DSCAM: variants seen among roughly 807,000 people sequenced by gnomAD.
DSCAM encodes the protein cell adhesion molecule DSCAM.
DSCAM carries 47 observed loss-of-function variants against 217.7 expected under a neutral mutation model. The ratio of observed to expected loss-of-function variants is 0.22; its 90% CI spans 0.17 to 0.28. The LOEUF is 0.28. Among genes scored for constraint, DSCAM ranks in the 10% least tolerant of loss-of-function variants. The pLI is 1.00. For synonymous variants in DSCAM, 1,056 were observed against 1,015.3 expected (o/e 1.04, Z -0.76); for missense variants, 2,080 against 2,618.3 (o/e 0.79, Z 4.49).
chr21:40,454,399 A>C (rs2075746731), intron 3 of DSCAM, among the ~76,000 whole-genome samples: 1 of 152,222 alleles, frequency 6.6e-6, no homozygotes, highest in South Asian at 2.1e-4. Context: ...CATATCTGTG[A>C]AAGTTTTCTG....
intron 2 of DSCAM, among the ~76,000 whole-genome samples, chr21:40,706,094 G>A (rs1219566920): frequency 1.3e-5 from 2 of 151,574 alleles, no homozygotes; most frequent in African/African-American, 2.4e-5. Flanking sequence ...GCAGGAAAAC[G>A]GCGTGAACCC....
chr21:40,386,137 C>CTTTTTTT (rs1491309066), intron 3 of DSCAM, among the ~76,000 whole-genome samples: 1 of 152,192 alleles, frequency 6.6e-6, no homozygotes, highest in African/African-American at 2.4e-5. Flanking sequence ...GATCTTAACA[C>CTTTTTTT]TGTGCTTTTA....
At chr21:40,732,915 G>A (rs559589734) in intron 1 of DSCAM, among the ~76,000 whole-genome samples, 1 of 152,302 alleles carries the variant, frequency 6.6e-6, no homozygotes, top group African/African-American at 2.4e-5. Flanking sequence ...TGCTGGGTAA[G>A]ATCCATGTGA....
intron 3 of DSCAM, among the ~76,000 whole-genome samples, chr21:40,452,295 A>T (rs1167028436): frequency 1.3e-5 from 2 of 149,788 alleles, no homozygotes; most frequent in African/African-American, 5.0e-5. Context: ...CCTGGAAAAT[A>T]CTCTGTAAAT....
chr21:40,749,514 C>T (rs1240366022), intron 1 of DSCAM, among the ~76,000 whole-genome samples: 3 of 151,998 alleles, frequency 2.0e-5, no homozygotes, highest in Non-Finnish European at 4.4e-5. Context: ...AAATCAAAAC[C>T]ACAATGAGAT....
chr21:40,712,897 G>A (rs1391922574), intron 1 of DSCAM, among the ~76,000 whole-genome samples: 1 of 152,108 alleles, frequency 6.6e-6, no homozygotes, highest in Non-Finnish European at 1.5e-5. Flanking sequence ...CTTACAAACT[G>A]TGGCCCCCCT....
At chr21:40,563,483 A>G (rs1259148448) in intron 3 of DSCAM, among the ~76,000 whole-genome samples, 1 of 147,386 alleles carries the variant, frequency 6.8e-6, no homozygotes, top group Non-Finnish European at 1.5e-5. Flanking sequence ...ATTTGTTTAT[A>G]TATGTATAAA....
At chr21:40,228,052 T>C (rs1409415768) in intron 11 of DSCAM, among the ~76,000 whole-genome samples, 11 of 152,150 alleles carry the variant, frequency 7.2e-5, no homozygotes. Context: ...TACCTCTCAG[T>C]TGGGGCTTGT....
At chr21:40,046,950 T>G (rs988821847) in intron 30 of DSCAM, among the ~76,000 whole-genome samples, 3 of 152,024 alleles carry the variant, frequency 2.0e-5, no homozygotes, top group Non-Finnish European at 2.9e-5. Flanking sequence ...GAAAATTCCA[T>G]GGGAAAGTCG....
At chr21:40,617,775 A>C (rs909370802) in intron 3 of DSCAM, among the ~76,000 whole-genome samples, 1 of 152,222 alleles carries the variant, frequency 6.6e-6, no homozygotes, top group Non-Finnish European at 1.5e-5. Flanking sequence ...GCACTGACTT[A>C]GAAGAAGCTA....
chr21:40,843,278 A>C (rs551126762), intron 1 of DSCAM, among the ~76,000 whole-genome samples: 1 of 152,112 alleles, frequency 6.6e-6, no homozygotes, highest in African/African-American at 2.4e-5. Flanking sequence ...CACCGTCTCT[A>C]ATCTCCATGA....
At chr21:40,332,216 A>G (rs2074384847) in intron 8 of DSCAM, among the ~76,000 whole-genome samples, 1 of 152,172 alleles carries the variant, frequency 6.6e-6, no homozygotes, top group South Asian at 2.1e-4. Context: ...CTTTTTAAAT[A>G]GCTTTATTCC....
intron 3 of DSCAM, among the ~76,000 whole-genome samples, chr21:40,620,179 A>C (rs2089474816): frequency 7.1e-6 from 1 of 141,796 alleles, no homozygotes; most frequent in Admixed American, 7.0e-5. Context: ...AGAGAAAGAG[A>C]GAGAAAAAAG....
intron 8 of DSCAM, among the ~76,000 whole-genome samples, chr21:40,331,980 C>G (rs914220089): frequency 2.6e-5 from 4 of 152,116 alleles, no homozygotes; most frequent in African/African-American, 9.7e-5. Context: ...TTAAGACCAA[C>G]CCCGCCATCC....
At chr21:40,512,155 CT>C (rs1413948396) in intron 3 of DSCAM, among the ~76,000 whole-genome samples, 3 of 152,050 alleles carry the variant, frequency 2.0e-5, no homozygotes, top group African/African-American at 7.2e-5. Context: ...TAGCAGTGAT[CT>C]TTCCCTTCCA....
chr21:40,237,455 A>T (rs1354831770), intron 11 of DSCAM, among the ~76,000 whole-genome samples: 3 of 152,014 alleles, frequency 2.0e-5, no homozygotes, highest in Non-Finnish European at 4.4e-5. Flanking sequence ...ATGAGTGAGA[A>T]CACGTGGTGT....
At chr21:40,559,937 C>A (rs1484723445) in intron 3 of DSCAM, among the ~76,000 whole-genome samples, 1 of 151,956 alleles carries the variant, frequency 6.6e-6, no homozygotes, top group Non-Finnish European at 1.5e-5. Context: ...GGGCTACAGG[C>A]GCCCAACTAC....
intron 8 of DSCAM, among the ~76,000 whole-genome samples, chr21:40,319,113 T>G (rs1224943763): frequency 6.6e-6 from 1 of 152,224 alleles, no homozygotes; most frequent in African/African-American, 2.4e-5. Flanking sequence ...GACATAGATT[T>G]GAAATACCAC....
intron 3 of DSCAM, among the ~76,000 whole-genome samples, chr21:40,461,378 A>G (rs888579721): frequency 2.6e-5 from 4 of 152,188 alleles, no homozygotes; most frequent in Admixed American, 2.0e-4. Context: ...TGGCACACAT[A>G]CATATGATTC....
Sources: allele counts gnomAD v4.1 joint callset (sites outside exome capture counted in the v4.1 genomes callset), GRCh38; gene constraint gnomAD v4.1.1; transcripts MANE v1.5; gene names NCBI Gene and HGNC (gene_info 2026-07-23, HGNC 2026-07-21).